GALK2: variants seen among roughly 807,000 people sequenced by gnomAD.
The protein encoded by GALK2 is galactokinase 2, also known as N-acetylgalactosamine kinase.
GALK2 carries 36 observed loss-of-function variants against 52.4 expected under a neutral mutation model. That is an observed-to-expected ratio of 0.69 (90% confidence interval 0.53 to 0.91). GALK2 has a LOEUF of 0.91. Among genes scored for constraint, GALK2 ranks in the 40% least tolerant of loss-of-function variants. GALK2 has a pLI of 0.00. For missense variants in GALK2, 579 were observed against 559.1 expected (o/e 1.04, Z -0.36); for synonymous variants, 176 against 199.1 (o/e 0.88, Z 0.98).
At chr15:49,258,960 T>A (rs1013516536) in intron 5 of GALK2, among the ~76,000 whole-genome samples, 1 of 151,786 alleles carries the variant, frequency 6.6e-6, no homozygotes, top group Non-Finnish European at 1.5e-5. Context: ...TTGAGAAGTG[T>A]CAGTTCATGT....
chr15:49,231,983 A>G (rs917848592), intron 3 of GALK2, among the ~76,000 whole-genome samples: 3 of 152,188 alleles, frequency 2.0e-5, no homozygotes, highest in Non-Finnish European at 2.9e-5. Flanking sequence ...CTCGAAGACA[A>G]TGGCCCTCTT....
At position 49,356,490 on chromosome 15, in the gene GALK2, C is replaced by T. The variant is rs1276214271; in HGVS notation, c.427-11001C>T. 5.4e-5 allele frequency among the ~76,000 whole-genome samples: 8 copies of T among 148,426 alleles called. No individual in the cohort carries two copies. The South Asian group carries it at 1.3e-3, about 25-fold the overall frequency. On this transcript the variant is annotated intron_variant, in intron 3 of 3. Coordinates refer to the GALK2 transcript ENST00000558399. ...CAAAGATCAAAAGAGACAAAGAAGG[C>T]CATTACATAATGGTAAAGGGATCAA...
rs185499150 is a variant in GALK2, at chr15:49,213,526, A to T, written c.143-3664A>T. Among the ~76,000 whole-genome samples the T allele has an allele frequency of 1.2e-4, 18 of 151,510 alleles. No individual in the cohort carries two copies. The East Asian group carries it at 1.8e-3, about 15-fold the overall frequency. On this transcript the variant is annotated intron_variant, in intron 2 of 9. Coordinates refer to ENST00000560031, the MANE Select transcript of GALK2 (RefSeq NM_002044.4). ...TCCTCCCCTTCCCCTCCACCCCACA[A>T]TTGGCCCTGGTGTGTGTTCCGGAAT...
At chr15:49,224,752 G>A (rs1358482654) in intron 3 of GALK2, among the ~76,000 whole-genome samples, 1 of 152,176 alleles carries the variant, frequency 6.6e-6, no homozygotes, top group African/African-American at 2.4e-5. Flanking sequence ...AGTATAATTT[G>A]AAGTTGGGTA....
downstream of GALK2, among the ~76,000 whole-genome samples, chr15:49,334,570 A>T (rs2151170523): frequency 6.6e-6 from 1 of 152,074 alleles, no homozygotes; most frequent in East Asian, 1.9e-4. Context: ...CGTTTTTCCC[A>T]CTAAGCACAG....
downstream of GALK2, among the ~76,000 whole-genome samples, chr15:49,334,751 C>T (rs1328485446): frequency 6.6e-6 from 1 of 152,108 alleles, no homozygotes; most frequent in Non-Finnish European, 1.5e-5. Context: ...GCTCCTTGGA[C>T]AGCAGGAGGC....
chr15:49,182,683 G>T (rs1248615819), intron 1 of GALK2, among the ~76,000 whole-genome samples: 1 of 152,048 alleles, frequency 6.6e-6, no homozygotes, highest in Non-Finnish European at 1.5e-5. Context: ...AAAAGCCATT[G>T]TAGCTTGGGT....
At chr15:49,176,539 G>A (rs957790819) in intron 1 of GALK2, among the ~76,000 whole-genome samples, 18 of 152,110 alleles carry the variant, frequency 1.2e-4, no homozygotes, top group Non-Finnish European at 2.5e-4. Flanking sequence ...AATAAGGAAT[G>A]GCTATGAAAA....
chr15:49,299,742 T>TCTTTCTTTCTTTCTTTCTTTCTTTC (rs2034854943), intron 8 of GALK2, among the ~76,000 whole-genome samples: 8 of 107,260 alleles, frequency 7.5e-5, no homozygotes, highest in African/African-American at 1.4e-4. Flanking sequence ...TTCTTTTCTT[T>TCTTTCTTTCTTTCTTTCTTTCTTTC]CTTTCTTTCT....
In GALK2 at chr15:49,356,181, A is replaced by G. The variant is rs1354119583; in HGVS notation, c.427-11310A>G. On this transcript the variant is annotated intron_variant, in intron 3 of 3. Transcript: ENST00000558399. The stretch of plus-strand genomic sequence containing the variant: ...TCGAGACTAGGAAGAAACTGCATCA[A>G]CTAACGAGCAAAATAACCAGCTAAC... Among the ~76,000 whole-genome samples, 3 of 152,190 alleles carry G rather than the reference A, an allele frequency of 2.0e-5. No individual in the cohort carries two copies. The East Asian group carries it at 5.8e-4, about 29-fold the overall frequency.
chr15:49,334,347 G>A, downstream of GALK2: 1 of 531,908 alleles, frequency 1.9e-6, no homozygotes, highest in South Asian at 8.2e-5. Context: ...ATTACTAATT[G>A]GGAAAGAATA....
intron 8 of GALK2, among the ~76,000 whole-genome samples, chr15:49,308,465 G>C (rs1002184082): frequency 6.6e-6 from 1 of 152,190 alleles, no homozygotes; most frequent in African/African-American, 2.4e-5. Context: ...TCTCAGACCA[G>C]CATATTTATT....
At chr15:49,222,841 C>T (rs2089900170) in intron 3 of GALK2, among the ~76,000 whole-genome samples, 1 of 152,134 alleles carries the variant, frequency 6.6e-6, no homozygotes, top group Admixed American at 6.6e-5. Flanking sequence ...GGGATCTTGG[C>T]CTGCAGTTTT....
intron 5 of GALK2, among the ~76,000 whole-genome samples, chr15:49,256,280 T>G (rs2091811902): frequency 6.6e-6 from 1 of 152,200 alleles, no homozygotes; most frequent in African/African-American, 2.4e-5. Context: ...TATATATAAC[T>G]GTAAAAATGA....
At chr15:49,327,219 A>ATATC (rs1245468229) in intron 9 of GALK2, 1 of 152,240 alleles carries the variant, frequency 6.6e-6, no homozygotes. Flanking sequence ...CCAATCAGAT[A>ATATC]TATCTCATCT....
chr15:49,271,930 A>G (rs1328766780), intron 5 of GALK2, among the ~76,000 whole-genome samples: 1 of 152,214 alleles, frequency 6.6e-6, no homozygotes, highest in African/African-American at 2.4e-5. Context: ...ACTTGAAGAG[A>G]AAATGGAGGA....
In GALK2 at chr15:49,279,285, T is replaced by C. The variant is rs1037255361; in HGVS notation, c.505-2702T>C. Among the ~76,000 whole-genome samples the C allele has an allele frequency of 3.3e-5, 5 of 152,300 alleles. No individual in the cohort carries two copies. In the South Asian group the frequency reaches 1.0e-3, roughly 32 times the overall value. On this transcript the variant is annotated intron_variant, in intron 5 of 9. Coordinates refer to ENST00000560031, the MANE Select transcript of GALK2 (RefSeq NM_002044.4). ...GCATTGTTAATAGAATATGAATACATGGAAAAAATAATTAATAAGCATAAA... is the reference window on the plus strand; with the variant it reads ...GCATTGTTAATAGAATATGAATACACGGAAAAAATAATTAATAAGCATAAA...
rs149863932 is a variant in GALK2 at position 49,284,259 on chromosome 15, G to T, written c.756+541G>T. ...CACAGTTAAACCTTAAATCTATTTA[G>T]GTAGTATTCATTGACTAGCTATTGT... On this transcript the variant is annotated intron_variant, in intron 7 of 9. Transcript: ENST00000560031. 9.9e-5 allele frequency among the ~76,000 whole-genome samples: 15 copies of T among 152,220 alleles called. No individual in the cohort carries two copies. In the East Asian group the frequency reaches 2.9e-3, roughly 29 times the overall value.
intron 5 of GALK2, among the ~76,000 whole-genome samples, chr15:49,256,392 G>A (rs1055101609): frequency 5.3e-5 from 8 of 152,184 alleles, no homozygotes; most frequent in African/African-American, 1.9e-4. Context: ...CCTTTCATGT[G>A]CATGCTTTCT....
Sources: gnomAD v4.1 joint callset for allele counts (sites outside exome capture counted in the v4.1 genomes callset) on GRCh38, gnomAD v4.1.1 for gene constraint, MANE v1.5 for transcripts, NCBI Gene and HGNC (gene_info 2026-07-23, HGNC 2026-07-21) for gene names.